CFAP47: variants seen among roughly 807,000 people sequenced by gnomAD.
CFAP47 encodes cilia and flagella associated protein 47.
Under a neutral mutation model 148.1 loss-of-function variants are expected in CFAP47, and 29 were observed. The observed-to-expected ratio is 0.20, with a 90% CI of 0.15 to 0.27. The LOEUF (loss-of-function observed/expected upper bound fraction) is 0.27. Ranked by LOEUF, CFAP47 falls within the 10% of genes least tolerant of loss-of-function variation. CFAP47 has a pLI of 1.00. For missense variants in CFAP47, 1,872 were observed against 1,697.5 expected (o/e 1.10, Z -1.81); for synonymous variants, 664 against 577.3 (o/e 1.15, Z -2.15).
At chrX:36,026,778 A>C (rs1937221798) in intron 22 of CFAP47, among the ~76,000 whole-genome samples, 1 of 110,490 alleles carries the variant, frequency 9.1e-6, no homozygotes, top group Non-Finnish European at 1.9e-5. Flanking sequence ...ACTCTGATCA[A>C]GTCCATCATT....
chrX:36,379,367 C>T lies in CFAP47; in HGVS notation c.9203C>T (p.Thr3068Ile), dbSNP rs1942055810. 8 of 1,165,826 alleles carry T rather than the reference C, an allele frequency of 6.9e-6. No individual in the cohort carries two copies. Among genetic ancestry groups the T allele is most frequent in the Non-Finnish European group, 9.2e-6 (8 of 872,429 alleles). ...KSQTRNPEPF[T>I]AHFLPGSDLE... ...TGTTCCAGAAATCCTGAGCCGTTCA[C>T]CGCACACTTCCTACCTGGCAGCGAT... Residue 3068 changes from threonine (T) to isoleucine (I), a missense_variant, in exon 63 of 64, where the codon ACC becomes ATC. Transcript: ENST00000378653.
intron 39 of CFAP47, among the ~76,000 whole-genome samples, chrX:36,175,495 G>C (rs1209267110): frequency 1.8e-5 from 2 of 111,620 alleles, no homozygotes; most frequent in Non-Finnish European, 3.8e-5. Flanking sequence ...TGTCCTTTCT[G>C]TTTGTTAGTT....
chrX:36,299,088 C>T lies in CFAP47; in HGVS notation c.7798C>T (p.Pro2600Ser). The T allele has an allele frequency of 8.8e-7, 1 of 1,131,826 alleles. No homozygotes were observed. The highest frequency in any genetic ancestry group is 1.2e-6 in the Non-Finnish European group (1 of 846,228). The allele number at this position is 1,131,826 out of a possible 1,213,427, so 93.3% of individuals were successfully genotyped here. ...TGGGGATAATGAAATTATCCTGAGT[C>T]CACTACAGTGCACCAAATATATTGT... is the stretch of plus-strand genomic sequence containing the variant. ...LNGDNEIILS[P>S]LQCTKYIVWY... Residue 2600 changes from proline to serine, a missense_variant, in exon 52 of 64, where the codon CCA (proline) becomes TCA (serine). Pro to Ser is a moderately conservative substitution (Grantham distance 74, BLOSUM62 -1). Transcript: ENST00000378653.
intron 62 of CFAP47, among the ~76,000 whole-genome samples, chrX:36,375,785 G>A (rs1942017444): frequency 8.9e-6 from 1 of 112,253 alleles, no homozygotes; most frequent in South Asian, 3.7e-4. Flanking sequence ...GGGGTGTGTT[G>A]TGGCACTGGG....
intron 45 of CFAP47, among the ~76,000 whole-genome samples, chrX:36,216,207 C>T (rs1262834190): frequency 8.9e-6 from 1 of 112,332 alleles, no homozygotes; most frequent in Admixed American, 9.4e-5. Context: ...CTAATGCCCT[C>T]TTGTGAGAAG....
At chrX:36,330,423 G>A (rs1438401639) in intron 57 of CFAP47, among the ~76,000 whole-genome samples, 2 of 111,986 alleles carry the variant, frequency 1.8e-5, no homozygotes, top group Non-Finnish European at 3.8e-5. Flanking sequence ...GTAGTTAGAA[G>A]ATGCACAAGA....
chrX:36,139,508 GGACCGAGAGGAAAGGAACTGGT>G (rs1939103930), intron 35 of CFAP47, among the ~76,000 whole-genome samples: 1 of 111,463 alleles, frequency 9.0e-6, no homozygotes, highest in Admixed American at 9.6e-5. Context: ...TTGTCAGGAT[GGACCGAGAGGAAAGGAACTGGT>G]GACAGGGAAC....
chrX:36,033,767 C>T (rs945283518), intron 23 of CFAP47, among the ~76,000 whole-genome samples: 14 of 111,046 alleles, frequency 1.3e-4, no homozygotes, highest in African/African-American at 4.2e-4. Context: ...TTGTATGGCT[C>T]ATTCTATAGT....
chrX:36,259,338 T>C (rs1347416216), intron 49 of CFAP47, among the ~76,000 whole-genome samples: 1 of 111,757 alleles, frequency 8.9e-6, no homozygotes, highest in South Asian at 3.7e-4. Context: ...ATATACCATT[T>C]ACATATAGAT....
At chrX:36,072,799 A>G (rs1333508308) in intron 28 of CFAP47, among the ~76,000 whole-genome samples, 1 of 111,773 alleles carries the variant, frequency 8.9e-6, no homozygotes, top group Non-Finnish European at 1.9e-5. Flanking sequence ...ATTTTTTCTA[A>G]TACATAATGC....
chrX:36,051,648 TC>T (rs1409186998), intron 26 of CFAP47, among the ~76,000 whole-genome samples: 2 of 111,626 alleles, frequency 1.8e-5, no homozygotes, highest in Non-Finnish European at 3.8e-5. Flanking sequence ...TTGCCTTATA[TC>T]AGATGAGACT....
At chrX:36,049,519 C>A (rs1937507416) in intron 26 of CFAP47, among the ~76,000 whole-genome samples, 1 of 109,542 alleles carries the variant, frequency 9.1e-6, no homozygotes, top group African/African-American at 3.3e-5. Context: ...CACACACACA[C>A]ACACACACTA....
intron 49 of CFAP47, among the ~76,000 whole-genome samples, chrX:36,277,048 G>A (rs1444546380): frequency 1.8e-5 from 2 of 111,927 alleles, no homozygotes. Context: ...GAGGACTGCA[G>A]TGAGAACCTT....
Position 36,192,977 on chromosome X carries a change from A to G in CFAP47, c.6321+2781A>G, listed in dbSNP as rs782272944. Among the ~76,000 whole-genome samples, 5 of 111,802 alleles carry G rather than the reference A, an allele frequency of 4.5e-5. No homozygotes were observed. In the South Asian group the frequency reaches 1.9e-3, roughly 41 times the overall value. On this transcript the variant is annotated intron_variant, in intron 42 of 63. Transcript: ENST00000378653. ...CCCTGCAAGGCTTTCTTGTTGATTT[A>G]TGGCCTATAATAATTTAGCCTAAGG...
intron 27 of CFAP47, 35 bp from the exon 28 acceptor site, chrX:36,071,790 G>A: frequency 8.5e-7 from 1 of 1,171,091 alleles, no homozygotes; most frequent in Middle Eastern, 2.4e-4. Flanking sequence ...GTGAATGCAT[G>A]TTTTGCTTAC....
chrX:36,157,795 A>G (rs1368708348), intron 37 of CFAP47, among the ~76,000 whole-genome samples: 2 of 111,379 alleles, frequency 1.8e-5, no homozygotes, highest in African/African-American at 3.3e-5. Flanking sequence ...ATGATCTTAT[A>G]TAGTGATGTA....
rs1274984362 is a variant in CFAP47, at chrX:36,174,766, A to G, written c.6027-4579A>G. Among the ~76,000 whole-genome samples the G allele has an allele frequency of 7.4e-4, 81 of 110,114 alleles. No individual in the cohort carries two copies. In the East Asian group the frequency reaches 8.7e-3, roughly 12 times the overall value. On this transcript the variant is annotated intron_variant, in intron 39 of 63. Transcript: ENST00000378653. ...CTTCATTTCAACTTTGGTGAATCTG[A>G]CAATTATGTGTCTTGGAGTTGCTCT...
At chrX:36,055,359 A>C in intron 26 of CFAP47, among the ~76,000 whole-genome samples, 1 of 110,228 alleles carries the variant, frequency 9.1e-6, no homozygotes, top group East Asian at 2.9e-4. Context: ...GTTGTTCCCT[A>C]GCATGTGTCC....
chrX:36,031,312 G>T lies in CFAP47; in HGVS notation c.3616G>T (p.Glu1206Ter). ...GTTTGTATTTGAAATCCCTTTACAT[G>T]AGATGAATCCTAATAACAAGGTCAC... ...TKFVFEIPLHEMNPNNKVTKT... is the reference protein window; with the variant it reads ...TKFVFEIPLH The change falls in exon 23 of 64, where the codon GAG becomes TAG. Residue 1206 changes from glutamate (E) to a stop codon, truncating the protein, a stop_gained. Transcript: ENST00000378653. LOFTEE classifies it high-confidence loss of function. 1 of 291,889 alleles carries T rather than the reference G, an allele frequency of 3.4e-6. No individual in the cohort carries two copies. The highest frequency in any genetic ancestry group is 2.0e-4 in the South Asian group (1 of 4,941). 24.1% of individuals were successfully genotyped at this position (291,889 alleles called of 1,213,427 possible).
Sources: allele counts gnomAD v4.1 joint callset (sites outside exome capture counted in the v4.1 genomes callset), GRCh38; gene constraint gnomAD v4.1.1; transcripts MANE v1.5; gene names NCBI Gene and HGNC (gene_info 2026-07-23, HGNC 2026-07-21).